Variants in CFAP92 observed in about 807,000 individuals in gnomAD.
The protein encoded by CFAP92 is cilia and flagella associated protein 92 (putative).
A neutral mutation model predicts 106.3 loss-of-function variants in CFAP92; 86 were observed. The observed-to-expected ratio is 0.81, with a 90% CI of 0.68 to 0.97. The LOEUF (loss-of-function observed/expected upper bound fraction) is 0.97. Ranked by LOEUF, CFAP92 falls within the 50% of genes least tolerant of loss-of-function variation. CFAP92 has a pLI of 0.00. For synonymous variants in CFAP92, 477 were observed against 506.4 expected, an observed-to-expected ratio of 0.94 and a Z score of 0.78; for missense variants, 1,204 against 1,283.8, an observed-to-expected ratio of 0.94 and a Z score of 0.95.
the CFAP92 span, among the ~76,000 whole-genome samples, chr3:129,013,460 C>A: frequency 6.6e-6 from 1 of 152,198 alleles, no homozygotes; most frequent in Non-Finnish European, 1.5e-5. Flanking sequence ...TACCTGGAAT[C>A]TCTTTCTTTC....
chr3:128,934,995 C>A (rs1004809215), intron 11 of CFAP92, 130 bp downstream of exon 11: 2 of 656,254 alleles, frequency 3.0e-6, no homozygotes, highest in Non-Finnish European at 5.0e-6. Context: ...GGATGGTCCT[C>A]CTCCCCCCAC....
intron 10 of CFAP92, among the ~76,000 whole-genome samples, chr3:128,940,667 GATTCTCTATTAT>G (rs1420281443): frequency 1.3e-5 from 2 of 151,604 alleles, no homozygotes; most frequent in African/African-American, 4.9e-5. Context: ...TCTGTTTCTG[GATTCTCTATTAT>G]ATTCCATAGG....
Position 128,916,183 on chromosome 3 carries a change from GC to G in CFAP92, c.2839del (p.Ala947ProfsTer10). 4.1e-6 allele frequency: 5 copies of G among 1,232,076 alleles called. No homozygotes were observed. The highest frequency in any genetic ancestry group is 5.1e-6 in the Non-Finnish European group (5 of 987,928). 76.3% of individuals were successfully genotyped at this position (1,232,076 alleles called of 1,614,324 possible). ...GGTCTGGGTACTATAGTTGTAGACG[GC>G]CTTGTTGGCAGGGGCTGAAATTTTA... ...VIKISAPANK[A>X]VYNYSTQTMN... On this transcript the variant is annotated frameshift_variant, in exon 13 of 16. Coordinates refer to ENST00000645291, the MANE Select transcript of CFAP92 (RefSeq NM_001394090.1). LOFTEE classifies it high-confidence loss of function.
the CFAP92 span, among the ~76,000 whole-genome samples, chr3:129,025,839 G>A: frequency 6.6e-6 from 1 of 152,202 alleles, no homozygotes; most frequent in Non-Finnish European, 1.5e-5. Context: ...CATCTGTCCT[G>A]CTCTCCAGAT....
intron 10 of CFAP92, among the ~76,000 whole-genome samples, chr3:128,942,554 GT>G (rs1939745858): frequency 6.6e-6 from 1 of 152,210 alleles, no homozygotes; most frequent in Non-Finnish European, 1.5e-5. Context: ...GGTGTGACCA[GT>G]CCCCTCCCTG....
upstream of CFAP92, among the ~76,000 whole-genome samples, chr3:129,006,725 G>T (rs927628380): frequency 1.3e-5 from 2 of 152,190 alleles, no homozygotes. Context: ...GTGATGCTAT[G>T]TGAAGGGCAC....
At chr3:128,978,943 A>C (rs961678804) in intron 4 of CFAP92, among the ~76,000 whole-genome samples, 16 of 152,378 alleles carry the variant, frequency 1.1e-4, no homozygotes, top group South Asian at 4.1e-4. Context: ...ACAAAAGCCA[A>C]AATTGACAAA....
At chr3:128,973,667 A>G (rs1307406038) in intron 7 of CFAP92, among the ~76,000 whole-genome samples, 3 of 151,942 alleles carry the variant, frequency 2.0e-5, no homozygotes, top group Non-Finnish European at 4.4e-5. Flanking sequence ...AAGAAAAAAA[A>G]AAAAAAAAGA....
chr3:128,985,911 C>T (rs1389766791), intron 4 of CFAP92, among the ~76,000 whole-genome samples: 2 of 152,186 alleles, frequency 1.3e-5, no homozygotes, highest in African/African-American at 4.8e-5. Context: ...TCACAACTGG[C>T]AGGCTACTAC....
chr3:128,948,342 G>A (rs1229244688), intron 9 of CFAP92, among the ~76,000 whole-genome samples: 1 of 144,794 alleles, frequency 6.9e-6, no homozygotes, highest in African/African-American at 2.5e-5. Flanking sequence ...CTACAGGTGT[G>A]TGCTACCATG....
At chr3:128,912,669 G>A (rs766325267) in intron 15 of CFAP92, 1 of 1,386,120 alleles carries the variant, frequency 7.2e-7, no homozygotes, top group Non-Finnish European at 1.0e-6. Flanking sequence ...CTGGATGACT[G>A]TTACTCTTTT....
At chr3:129,002,662 T>G in exon 1 of CFAP92, 1 of 337,318 alleles carries the variant, frequency 3.0e-6, no homozygotes, top group Non-Finnish European at 5.3e-6. Flanking sequence ...CATATTCCCT[T>G]TCAACAAGCA....
chr3:128,991,902 TC>T (rs1216625291), intron 2 of CFAP92: 3 of 984,988 alleles, frequency 3.0e-6, no homozygotes, highest in Non-Finnish European at 3.6e-6. Flanking sequence ...ACTTGTCTCC[TC>T]CCCTCATATT....
intron 9 of CFAP92, among the ~76,000 whole-genome samples, chr3:128,960,720 G>A (rs1259695747): frequency 1.3e-5 from 2 of 152,176 alleles, no homozygotes; most frequent in Non-Finnish European, 2.9e-5. Context: ...CTTTTCTGGG[G>A]AAGGGGCAAG....
At chr3:128,929,721 A>C (rs1357171694) in intron 12 of CFAP92, among the ~76,000 whole-genome samples, 1 of 152,234 alleles carries the variant, frequency 6.6e-6, no homozygotes, top group Non-Finnish European at 1.5e-5. Flanking sequence ...CAGACAAGTC[A>C]AATCTATCAA....
At chr3:129,023,280 A>G in the CFAP92 span, among the ~76,000 whole-genome samples, 1 of 151,014 alleles carries the variant, frequency 6.6e-6, no homozygotes, top group Non-Finnish European at 1.5e-5. Flanking sequence ...CAAAGTACAG[A>G]GACAGCCTCA....
rs140887283 is a variant in CFAP92 at position 128,950,911 on chromosome 3, G to A, written c.1354-4936C>T. On this transcript the variant is annotated intron_variant, in intron 9 of 15. Coordinates refer to ENST00000645291, the MANE Select transcript of CFAP92 (RefSeq NM_001394090.1). Reference sequence around the variant, plus strand: ...TTAGGCACAGTGAGCCATTCTTAACGGGGAGTGCGGGGAACCCTCTCAAAA... The same window carrying A: ...TTAGGCACAGTGAGCCATTCTTAACAGGGAGTGCGGGGAACCCTCTCAAAA... 5.3e-5 allele frequency among the ~76,000 whole-genome samples: 8 copies of A among 152,306 alleles called. No homozygotes were observed. In the South Asian group the frequency reaches 1.0e-3, roughly 20 times the overall value.
At chr3:128,924,738 C>CGTG (rs1937544569) in intron 12 of CFAP92, among the ~76,000 whole-genome samples, 1 of 152,176 alleles carries the variant, frequency 6.6e-6, no homozygotes, top group Non-Finnish European at 1.5e-5. Context: ...TGAGCCACCA[C>CGTG]GCCCGACCGA....
chr3:128,970,441 T>C (rs1417840182), intron 8 of CFAP92: 2 of 150,882 alleles, frequency 1.3e-5, no homozygotes, highest in Non-Finnish European at 2.9e-5. Flanking sequence ...TTCTGCAGAG[T>C]AGCCAGGAGA....
Sources: gnomAD v4.1 joint callset for allele counts (sites outside exome capture counted in the v4.1 genomes callset) on GRCh38, gnomAD v4.1.1 for gene constraint, MANE v1.5 for transcripts, NCBI Gene and HGNC (gene_info 2026-07-23, HGNC 2026-07-21) for gene names.